Variants in MYLK3 observed in about 807,000 individuals in gnomAD.
The protein encoded by MYLK3 is MLC kinase.
In MYLK3, 55 loss-of-function variants were observed where a neutral mutation model predicts 76.3. The ratio of observed to expected loss-of-function variants is 0.72; its 90% CI spans 0.58 to 0.90. MYLK3 has a LOEUF of 0.90. MYLK3 is among the 40% of genes least tolerant of loss of function. The pLI is 0.00. For synonymous variants in MYLK3, 416 were observed against 425.4 expected, an observed-to-expected ratio of 0.98 and a Z score of 0.27; for missense variants, 973 against 1,053.6, an observed-to-expected ratio of 0.92 and a Z score of 1.06.
chr16:46,750,750 G>A (rs1458228515), upstream of MYLK3, among the ~76,000 whole-genome samples: 1 of 152,200 alleles, frequency 6.6e-6, no homozygotes, highest in East Asian at 1.9e-4. Flanking sequence ...AGCACTTTGG[G>A]AGGCCGAGGC....
intron 8 of MYLK3, chr16:46,725,906 A>G (rs1966839754): frequency 6.6e-6 from 1 of 152,198 alleles, no homozygotes; most frequent in Non-Finnish European, 1.5e-5. Flanking sequence ...TCCTTGCCTA[A>G]GCCAATGTCT....
intron 12 of MYLK3, among the ~76,000 whole-genome samples, chr16:46,708,448 A>G (rs1261167319): frequency 6.6e-6 from 1 of 151,934 alleles, no homozygotes. Context: ...GTTAGAGAAA[A>G]TGTTGTGATT....
At chr16:46,759,517 A>C (rs1221988947) in intron 1 of MYLK3, among the ~76,000 whole-genome samples, 1 of 152,234 alleles carries the variant, frequency 6.6e-6, no homozygotes, top group Non-Finnish European at 1.5e-5. Context: ...AAGTAAACTG[A>C]GGCACAGGGT....
rs757852087 is a variant in MYLK3, at chr16:46,712,620, C to A, written c.2114+28G>T. On this transcript the variant is annotated intron_variant, in intron 10 of 12. Coordinates refer to ENST00000394809, the MANE Select transcript of MYLK3 (RefSeq NM_182493.3). ...GGAAGACAAATGACCCCTGTCCCCA[C>A]TTCAGAGCCAGGGTGCTAAGCACTC... is the stretch of plus-strand genomic sequence containing the variant. 15 of 1,417,488 alleles carry A rather than the reference C, an allele frequency of 1.1e-5. No homozygotes were observed. In the East Asian group the frequency reaches 4.1e-4, roughly 38 times the overall value. The allele number at this position is 1,417,488 out of a possible 1,614,324, so 87.8% of individuals were successfully genotyped here. A position where few individuals can be genotyped will look rare whatever the true frequency, so the allele number is the denominator to read the frequency against.
chr16:46,718,358 C>T (rs1446770513), intron 9 of MYLK3, among the ~76,000 whole-genome samples: 1 of 152,196 alleles, frequency 6.6e-6, no homozygotes, highest in Non-Finnish European at 1.5e-5. Context: ...AACTACAATA[C>T]ACTGTGTGAT....
At chr16:46,726,678 AAAGAAAGAAAGAAAG>A (rs1966841577) in intron 8 of MYLK3, 3 of 96,448 alleles carry the variant, frequency 3.1e-5, no homozygotes, top group African/African-American at 1.4e-4. Context: ...AAAGAAAGAG[AAAGAAAGAAAGAAAG>A]AAAGAAAGAA....
rs142285931 is a variant in MYLK3, at chr16:46,729,699, T to C, written c.1569-12A>G. On this transcript the variant is annotated splice_polypyrimidine_tract_variant and intron_variant, in intron 5 of 12. Coordinates refer to ENST00000394809, the MANE Select transcript of MYLK3 (RefSeq NM_182493.3). ...GGCCAAACCGACCCCTGCAGAGACA[T>C]AGCCACACGGCAGGCTGAGAGCCCA... The C allele has an allele frequency of 9.4e-5, 151 of 1,612,034 alleles. No homozygotes were observed. Among genetic ancestry groups the C allele is most frequent in the Non-Finnish European group, 1.2e-4 (138 of 1,178,480 alleles).
At chr16:46,719,195 C>T (rs1233799834) in intron 9 of MYLK3, among the ~76,000 whole-genome samples, 3 of 151,994 alleles carry the variant, frequency 2.0e-5, no homozygotes, top group Non-Finnish European at 4.4e-5. Context: ...GGCATGGTGG[C>T]GGCCACCTGT....
intron 3 of MYLK3, 135 bp downstream of exon 3, chr16:46,737,576 C>T (rs1966874853): frequency 1.2e-6 from 1 of 821,864 alleles, no homozygotes; most frequent in Non-Finnish European, 1.9e-6. Context: ...AGAGGCAGGG[C>T]CCAGGCCTCC....
At chr16:46,711,138 C>T (rs1277191526) in intron 10 of MYLK3, among the ~76,000 whole-genome samples, 1 of 152,174 alleles carries the variant, frequency 6.6e-6, no homozygotes, top group Non-Finnish European at 1.5e-5. Context: ...AATAGCCTTC[C>T]ATGTCCTTGA....
intron 3 of MYLK3, among the ~76,000 whole-genome samples, chr16:46,734,798 T>C (rs1312525717): frequency 1.3e-5 from 2 of 152,150 alleles, no homozygotes; most frequent in African/African-American, 4.8e-5. Flanking sequence ...TGGAGATCTG[T>C]CTCACAACAA....
At chr16:46,741,551 C>T (rs926668299) in intron 1 of MYLK3, among the ~76,000 whole-genome samples, 4 of 152,212 alleles carry the variant, frequency 2.6e-5, no homozygotes, top group Non-Finnish European at 5.9e-5. Context: ...CATGTTACAG[C>T]AGCAGTGCCA....
At chr16:46,722,394 C>A (rs536628322) in intron 8 of MYLK3, among the ~76,000 whole-genome samples, 2 of 152,314 alleles carry the variant, frequency 1.3e-5, no homozygotes, top group South Asian at 4.1e-4. Flanking sequence ...ACATAACATG[C>A]ATGAAACACT....
chr16:46,731,669 G>A (rs993252021), intron 4 of MYLK3, among the ~76,000 whole-genome samples: 3 of 152,204 alleles, frequency 2.0e-5, no homozygotes, highest in African/African-American at 7.2e-5. Flanking sequence ...ACTAGCCCGG[G>A]TGGGTGGGAA....
At chr16:46,728,951 C>T (rs772661663) in intron 7 of MYLK3, 73 bp downstream of exon 7, 26 of 1,115,286 alleles carry the variant, frequency 2.3e-5, no homozygotes, top group South Asian at 5.0e-5. Context: ...GGCTTTGCCT[C>T]GAATGAAGGC....
chr16:46,709,397 G>T (rs1287498748), intron 12 of MYLK3, 142 bp downstream of exon 12: 2 of 913,268 alleles, frequency 2.2e-6, no homozygotes, highest in Non-Finnish European at 1.6e-6. Context: ...ACTCCAGCCT[G>T]GGCAACAGAG....
In MYLK3 at chr16:46,713,199, C is replaced by CTT. The variant is rs11408687; in HGVS notation, c.1986-425_1986-424dup. On this transcript the variant is annotated intron_variant, in intron 9 of 12. Transcript: ENST00000394809. Reference sequence around the variant, plus strand: ...TATATATTTATGGTATATATGATGCCTTTTTTTTTTTTTTTTGAAACAGGG... The same window carrying CTT: ...TATATATTTATGGTATATATGATGCCTTTTTTTTTTTTTTTTTTGAAACAGGG... Among the ~76,000 whole-genome samples the CTT allele has an allele frequency of 8.8e-3, 1,208 of 137,736 alleles. 22 individuals carry two copies. Among genetic ancestry groups the CTT allele is most frequent in the Middle Eastern group, 0.053 (14 of 264 alleles). The allele number at this position is 137,736 out of a possible 152,430, so 90.4% of individuals were successfully genotyped here. A position where few individuals can be genotyped will look rare whatever the true frequency, so the allele number is the denominator to read the frequency against.
chr16:46,758,302 ACACTCTCTCTCTCTCTCTCT>A (rs1309470909), intron 1 of MYLK3, among the ~76,000 whole-genome samples: 15 of 53,924 alleles, frequency 2.8e-4, no homozygotes, highest in Middle Eastern at 0.012. Flanking sequence ...ACACACACAC[ACACTCTCTCTCTCTCTCTCT>A]CTCTCTCTCT....
At chr16:46,746,265 T>C (rs898825972) in intron 1 of MYLK3, among the ~76,000 whole-genome samples, 3 of 152,162 alleles carry the variant, frequency 2.0e-5, no homozygotes, top group African/African-American at 7.2e-5. Context: ...ATAACAACTG[T>C]ATTATTATTT....
Sources: allele counts gnomAD v4.1 joint callset (sites outside exome capture counted in the v4.1 genomes callset), GRCh38; gene constraint gnomAD v4.1.1; transcripts MANE v1.5; gene names NCBI Gene and HGNC (gene_info 2026-07-23, HGNC 2026-07-21).